The following BIN1 variants were observed in gnomAD, a reference collection of about 807,000 sequenced individuals.
The protein encoded by BIN1 is myc box-dependent-interacting protein 1.
Under a neutral mutation model 82.0 loss-of-function variants are expected in BIN1, and 53 were observed. The observed-to-expected ratio is 0.65, with a 90% CI of 0.52 to 0.81. The LOEUF is 0.81. Among genes scored for constraint, BIN1 ranks in the 40% least tolerant of loss-of-function variants. The pLI is 0.00. For missense variants in BIN1, 642 were observed against 784.4 expected, an observed-to-expected ratio of 0.82 and a Z score of 2.17; for synonymous variants, 302 against 328.0, an observed-to-expected ratio of 0.92 and a Z score of 0.86.
chr2:127,100,424 T>C (rs1680166167), intron 1 of BIN1, among the ~76,000 whole-genome samples: 1 of 152,212 alleles, frequency 6.6e-6, no homozygotes, highest in African/African-American at 2.4e-5. Flanking sequence ...CCATCTCATT[T>C]GCTTGTCTCC....
At chr2:127,092,209 C>A (rs895273053) in intron 1 of BIN1, among the ~76,000 whole-genome samples, 2 of 152,162 alleles carry the variant, frequency 1.3e-5, no homozygotes, top group African/African-American at 2.4e-5. Flanking sequence ...CTCCCCCTAA[C>A]CCTGCCCGTC....
At chr2:127,076,161 G>A (rs552432271) in intron 2 of BIN1, among the ~76,000 whole-genome samples, 4 of 152,192 alleles carry the variant, frequency 2.6e-5, no homozygotes, top group African/African-American at 9.6e-5. Flanking sequence ...GGCTGCGGAT[G>A]CCTCCCCACA....
At chr2:127,091,732 A>C (rs1678953045) in intron 1 of BIN1, among the ~76,000 whole-genome samples, 1 of 151,772 alleles carries the variant, frequency 6.6e-6, no homozygotes, top group Non-Finnish European at 1.5e-5. Context: ...CTACAAAAAA[A>C]AAATTTTTTT....
chr2:127,106,687 C>A (rs1364462179), intron 1 of BIN1, among the ~76,000 whole-genome samples, 173 bp downstream of exon 1: 1 of 152,304 alleles, frequency 6.6e-6, no homozygotes, highest in South Asian at 2.1e-4. Context: ...GCACCCAGAG[C>A]GCCGGGGAAC....
intron 2 of BIN1, among the ~76,000 whole-genome samples, chr2:127,071,871 G>A (rs1481943236): frequency 6.6e-6 from 1 of 152,226 alleles, no homozygotes; most frequent in Admixed American, 6.5e-5. Context: ...CAGATCCAGT[G>A]AGCTAGGCCA....
intron 7 of BIN1, among the ~76,000 whole-genome samples, chr2:127,066,643 G>T (rs1235247234): frequency 2.6e-5 from 4 of 152,058 alleles, no homozygotes; most frequent in Non-Finnish European, 4.4e-5. Context: ...CAGGCCTACT[G>T]AAGTCCCCCT....
Position 127,082,725 on chromosome 2 carries a change from G to T in BIN1, c.85-6019C>A, listed in dbSNP as rs1417628295. ...CATCTCTCAAATGCGAGCTGTCCCT[G>T]CAACCAGACACACAGGACCCCTCTC... is the stretch of plus-strand genomic sequence containing the variant. On this transcript the variant is annotated intron_variant, in intron 1 of 18. Coordinates refer to ENST00000316724, the MANE Select transcript of BIN1 (RefSeq NM_139343.3). This position sits in a 1 kb window ranked among gnomAD's most constrained non-coding sequence, Gnocchi z 6.1. Among the ~76,000 whole-genome samples the T allele has an allele frequency of 6.6e-6, 1 of 152,018 alleles. No individual in the cohort carries two copies. The highest frequency in any genetic ancestry group is 2.4e-5 in the African/African-American group (1 of 41,354).
At chr2:127,098,001 C>T (rs573341756) in intron 1 of BIN1, among the ~76,000 whole-genome samples, 19 of 152,330 alleles carry the variant, frequency 1.2e-4, no homozygotes, top group Admixed American at 1.2e-3. Flanking sequence ...GGCTCCAGTG[C>T]CCTCCCCAAC....
intron 1 of BIN1, among the ~76,000 whole-genome samples, chr2:127,099,778 C>T (rs1311591428): frequency 6.6e-6 from 1 of 151,268 alleles, no homozygotes; most frequent in Non-Finnish European, 1.5e-5. Context: ...TCCCAAAGTG[C>T]TGGGGTTACA....
At chr2:127,088,740 TAA>T (rs34767629) in intron 1 of BIN1, among the ~76,000 whole-genome samples, 7 of 138,448 alleles carry the variant, frequency 5.1e-5, no homozygotes, top group Non-Finnish European at 4.7e-5. Context: ...CCGTATCTCT[TAA>T]AAAAAAAAAA....
At chr2:127,083,401 C>T (rs139061680) in intron 1 of BIN1, among the ~76,000 whole-genome samples, 7 of 152,232 alleles carry the variant, frequency 4.6e-5, no homozygotes, top group African/African-American at 1.2e-4. Flanking sequence ...ATATATAAAC[C>T]GTTCCTGCAT....
chr2:127,063,144 A>C (rs960843948), intron 9 of BIN1, among the ~76,000 whole-genome samples: 1 of 152,262 alleles, frequency 6.6e-6, no homozygotes, highest in Admixed American at 6.5e-5. Flanking sequence ...CAGTGGATTC[A>C]CGCAGACGAA....
intron 1 of BIN1, among the ~76,000 whole-genome samples, chr2:127,083,656 A>C (rs1677743357): frequency 6.6e-6 from 1 of 152,216 alleles, no homozygotes; most frequent in Non-Finnish European, 1.5e-5. Context: ...GTCTGGGTCT[A>C]GGATCCAACT....
chr2:127,070,876 T>G, intron 2 of BIN1, 60 bp from the exon 3 acceptor site: 1 of 1,530,194 alleles, frequency 6.5e-7, no homozygotes, highest in Non-Finnish European at 8.9e-7. Context: ...TCCCTGACCC[T>G]CTCCTTCCTG....
chr2:127,068,314 A>G lies in BIN1; in HGVS notation c.520-59T>C, dbSNP rs1685411952. On this transcript the variant is annotated intron_variant, in intron 6 of 18. Transcript: ENST00000316724. The surrounding 1 kb of genome is among the most constrained non-coding windows in gnomAD (Gnocchi z 4.9). ...AGAGACCAGGGAGGTGGGGAGAGAG[A>G]AACAGAGACACACAGATTAAATGCA... is the stretch of plus-strand genomic sequence containing the variant. The G allele has an allele frequency of 7.2e-7, 1 of 1,395,748 alleles. No homozygotes were observed. Among genetic ancestry groups the G allele is most frequent in the African/African-American group, 1.4e-5 (1 of 70,948 alleles). 86.5% of individuals were successfully genotyped at this position (1,395,748 alleles called of 1,614,324 possible).
At position 127,060,532 on chromosome 2, in the gene BIN1, C is replaced by G. The variant is rs971345481; in HGVS notation, c.858-1377G>C. The G allele has an allele frequency of 1.1e-5, 17 of 1,607,450 alleles. No individual in the cohort carries two copies. In the African/African-American group the frequency reaches 2.0e-4, roughly 19 times the overall value. On this transcript the variant is annotated intron_variant, in intron 10 of 18. Transcript: ENST00000316724. Reference sequence around the variant, plus strand: ...TGGCACCTGGGAGCAGGGCGCAAGGCGCATGCACAGGGCCAGCCAGGGCGC... The same window carrying G: ...TGGCACCTGGGAGCAGGGCGCAAGGGGCATGCACAGGGCCAGCCAGGGCGC...
In BIN1 at chr2:127,070,607, C is replaced by T. The variant is rs1685754870; in HGVS notation, c.261G>A (p.Gln87=). The change falls in exon 4 of 19, where the codon CAG becomes CAA. Residue 87 remains glutamine (Q), a synonymous_variant. Transcript: ENST00000316724. The part of the protein sequence containing the change: ...EASKKLNECL[Q]EVYEPDWPGR... The stretch of plus-strand genomic sequence containing the variant: ...CGGGCCAATCGGGCTCATACACCTC[C>T]TGCAGACACTCATTCAGCTTCTTGG... 1 of 1,614,164 alleles carries T rather than the reference C, an allele frequency of 6.2e-7. No homozygotes were observed. Among genetic ancestry groups the T allele is most frequent in the Admixed American group, 1.7e-5 (1 of 60,028 alleles).
chr2:127,089,773 G>A (rs1446622726), intron 1 of BIN1, among the ~76,000 whole-genome samples: 1 of 152,108 alleles, frequency 6.6e-6, no homozygotes, highest in Non-Finnish European at 1.5e-5. Flanking sequence ...GCAGGCCCAG[G>A]CTGTGCAGCC....
Position 127,070,492 on chromosome 2 carries a change from G to A in BIN1, c.315+61C>T, listed in dbSNP as rs1267001711. On this transcript the variant is annotated intron_variant, in intron 4 of 18. Transcript: ENST00000316724. ...TTGTCCCAGAGGGCACGGCAGAGTG[G>A]GACAGGAGCTGAGACCAGAGGGCCC... 3 of 1,584,692 alleles carry A rather than the reference G, an allele frequency of 1.9e-6. No homozygotes were observed. The African/African-American group carries it at 4.0e-5, about 21-fold the overall frequency.
Sources: allele counts gnomAD v4.1 joint callset (sites outside exome capture counted in the v4.1 genomes callset), GRCh38; gene constraint gnomAD v4.1.1; non-coding constraint Gnocchi (gnomAD v3.1); transcripts MANE v1.5; gene names NCBI Gene and HGNC (gene_info 2026-07-23, HGNC 2026-07-21).